Variants in TSPAN5 observed in about 807,000 individuals in gnomAD.
TSPAN5 encodes the protein tetraspanin-5.
Under a neutral mutation model 37.1 loss-of-function variants are expected in TSPAN5, and 10 were observed. That is an observed-to-expected ratio of 0.27 (90% CI 0.17 to 0.46). The LOEUF is 0.46. Among genes scored for constraint, TSPAN5 ranks in the 20% least tolerant of loss-of-function variants. The probability of loss-of-function intolerance (pLI) is 1.00; values close to 1 mark genes in which losing one functional copy is unlikely to be tolerated. For synonymous variants in TSPAN5, 110 were observed against 118.9 expected, an observed-to-expected ratio of 0.93 and a Z score of 0.48; for missense variants, 195 against 326.6, an observed-to-expected ratio of 0.60 and a Z score of 3.11.
intron 2 of TSPAN5, among the ~76,000 whole-genome samples, chr4:98,490,887 C>A (rs1482418041): frequency 6.6e-6 from 1 of 151,886 alleles, no homozygotes. Flanking sequence ...GGTGAAACCC[C>A]CCGTCTCTAC....
rs574124741 is a variant in TSPAN5, at chr4:98,504,817, T to C, written c.132+2861A>G. On this transcript the variant is annotated intron_variant, in intron 2 of 7. Coordinates refer to ENST00000305798, the MANE Select transcript of TSPAN5 (RefSeq NM_005723.4). ...ATACTGGAGGAGCCAGTATTTGAAC[T>C]CAGGTCTGTTTACCCCTGTCTTAGT... Among the ~76,000 whole-genome samples the C allele has an allele frequency of 3.3e-5, 5 of 152,302 alleles. No individual in the cohort carries two copies. The South Asian group carries it at 1.0e-3, about 32-fold the overall frequency.
At chr4:98,505,006 C>T (rs1332060751) in intron 2 of TSPAN5, among the ~76,000 whole-genome samples, 1 of 152,088 alleles carries the variant, frequency 6.6e-6, no homozygotes. Context: ...GAAATAATCT[C>T]TCTTGTCTCT....
At chr4:98,511,846 A>G (rs1219936555) in intron 1 of TSPAN5, among the ~76,000 whole-genome samples, 1 of 152,194 alleles carries the variant, frequency 6.6e-6, no homozygotes, top group Admixed American at 6.5e-5. Flanking sequence ...ATGTTGGTAC[A>G]AAGTATCCCA....
At chr4:98,512,667 T>C (rs1242943185) in intron 1 of TSPAN5, among the ~76,000 whole-genome samples, 1 of 152,248 alleles carries the variant, frequency 6.6e-6, no homozygotes, top group East Asian at 1.9e-4. Flanking sequence ...GGTGGTTTTC[T>C]TCCTTGCTGA....
intron 1 of TSPAN5, among the ~76,000 whole-genome samples, chr4:98,572,140 T>G (rs1755137549): frequency 1.3e-5 from 2 of 152,184 alleles, no homozygotes; most frequent in African/African-American, 4.8e-5. Flanking sequence ...ATTTTTGTAT[T>G]TTTAGTAGAG....
At chr4:98,535,707 A>T (rs1489301467) in intron 1 of TSPAN5, among the ~76,000 whole-genome samples, 1 of 152,048 alleles carries the variant, frequency 6.6e-6, no homozygotes, top group Admixed American at 6.6e-5. Flanking sequence ...ATAGTCCCAT[A>T]TTTGTTGGAG....
At chr4:98,636,968 A>G (rs1233933081) in intron 1 of TSPAN5, among the ~76,000 whole-genome samples, 1 of 152,110 alleles carries the variant, frequency 6.6e-6, no homozygotes, top group East Asian at 1.9e-4. Context: ...AGCCCAGTCT[A>G]CAGGATACCA....
chr4:98,647,173 C>T (rs1223303645), intron 1 of TSPAN5, among the ~76,000 whole-genome samples: 4 of 152,124 alleles, frequency 2.6e-5, no homozygotes, highest in Non-Finnish European at 4.4e-5. Flanking sequence ...CTGAACCAGA[C>T]GAAGAATTCT....
chr4:98,608,423 C>G (rs1431949444), intron 1 of TSPAN5, among the ~76,000 whole-genome samples: 1 of 152,182 alleles, frequency 6.6e-6, no homozygotes, highest in Non-Finnish European at 1.5e-5. Flanking sequence ...TAAAATAAGT[C>G]TCCACTGGAG....
At chr4:98,512,700 T>A (rs968113454) in intron 1 of TSPAN5, among the ~76,000 whole-genome samples, 3 of 152,222 alleles carry the variant, frequency 2.0e-5, no homozygotes, top group African/African-American at 7.2e-5. Flanking sequence ...TTGAAATTGG[T>A]ACAGTGCCTT....
intron 1 of TSPAN5, among the ~76,000 whole-genome samples, chr4:98,627,270 A>G (rs1479046749): frequency 6.6e-6 from 1 of 152,180 alleles, no homozygotes. Flanking sequence ...GGTATGAGTG[A>G]TCCTGAACCG....
chr4:98,499,471 G>A (rs1344502603), intron 2 of TSPAN5, among the ~76,000 whole-genome samples: 2 of 152,206 alleles, frequency 1.3e-5, no homozygotes, highest in Non-Finnish European at 2.9e-5. Flanking sequence ...CAAAGTCATT[G>A]AATTTTTGAC....
At chr4:98,571,396 C>A (rs1755115526) in intron 1 of TSPAN5, among the ~76,000 whole-genome samples, 1 of 150,334 alleles carries the variant, frequency 6.7e-6, no homozygotes, top group Non-Finnish European at 1.5e-5. Context: ...CTGGCAAACC[C>A]CAGGCAGCCT....
chr4:98,573,064 G>GAA (rs1205232142), intron 1 of TSPAN5, among the ~76,000 whole-genome samples: 7 of 152,224 alleles, frequency 4.6e-5, no homozygotes, highest in Admixed American at 1.3e-4. Flanking sequence ...TTCTTATGGA[G>GAA]AAAGAGGATA....
intron 1 of TSPAN5, among the ~76,000 whole-genome samples, chr4:98,542,463 C>T (rs1449543261): frequency 6.6e-6 from 1 of 151,782 alleles, no homozygotes; most frequent in Non-Finnish European, 1.5e-5. Flanking sequence ...TGCCTGTCAT[C>T]CCAGCACTTT....
chr4:98,544,935 C>T (rs77617376), intron 1 of TSPAN5, among the ~76,000 whole-genome samples: 2,984 of 152,288 alleles, frequency 0.02, 55 homozygotes, highest in Middle Eastern at 0.048. Flanking sequence ...TGATGGGCAT[C>T]TGCTGAGATG....
At chr4:98,525,473 G>A (rs375862087) in intron 1 of TSPAN5, among the ~76,000 whole-genome samples, 1 of 152,108 alleles carries the variant, frequency 6.6e-6, no homozygotes, top group African/African-American at 2.4e-5. Context: ...GTCTAGGGTG[G>A]GTCCCTGCCT....
chr4:98,480,261 C>T (rs1030875317), intron 4 of TSPAN5, among the ~76,000 whole-genome samples: 2 of 152,134 alleles, frequency 1.3e-5, no homozygotes, highest in African/African-American at 4.8e-5. Flanking sequence ...AATGTCACCA[C>T]AATCAATGGA....
chr4:98,546,732 G>A (rs542309913), intron 1 of TSPAN5, among the ~76,000 whole-genome samples: 2 of 152,184 alleles, frequency 1.3e-5, no homozygotes, highest in African/African-American at 4.8e-5. Flanking sequence ...AATGGCCTCA[G>A]GAATTGAGGA....
Sources: gnomAD v4.1 joint callset for allele counts (sites outside exome capture counted in the v4.1 genomes callset) on GRCh38, gnomAD v4.1.1 for gene constraint, MANE v1.5 for transcripts, NCBI Gene and HGNC (gene_info 2026-07-23, HGNC 2026-07-21) for gene names.